Variants in PEPD observed in about 807,000 individuals in gnomAD.
PEPD encodes peptidase D.
Under a neutral mutation model 60.7 loss-of-function variants are expected in PEPD, and 53 were observed. The ratio of observed to expected loss-of-function variants is 0.87; its 90% CI spans 0.70 to 1.10. PEPD has a LOEUF of 1.10. Among genes scored for constraint, PEPD ranks in the 50% least tolerant of loss-of-function variants. The pLI, the probability that PEPD is intolerant of heterozygous loss-of-function variation, is 0.00. For missense variants in PEPD, 711 were observed against 711.9 expected (o/e 1.00, Z 0.01); for synonymous variants, 267 against 284.1 (o/e 0.94, Z 0.60).
At chr19:33,391,555 G>A in intron 12 of PEPD, 76 bp from the exon 13 acceptor site, 1 of 1,328,566 alleles carries the variant, frequency 7.5e-7, no homozygotes, top group Non-Finnish European at 1.0e-6. Context: ...TGGGAGATGT[G>A]AAGCCCTCAC....
At chr19:33,498,007 A>T (rs980954332) in intron 4 of PEPD, among the ~76,000 whole-genome samples, 1 of 151,914 alleles carries the variant, frequency 6.6e-6, no homozygotes, top group Non-Finnish European at 1.5e-5. Flanking sequence ...CCTCAGCCTC[A>T]TATCTATGAA....
At chr19:33,501,325 G>A (rs1177247544) in intron 3 of PEPD, among the ~76,000 whole-genome samples, 1 of 152,288 alleles carries the variant, frequency 6.6e-6, no homozygotes, top group African/African-American at 2.4e-5. Context: ...CACCAGGGCA[G>A]CCAGCCAGTG....
At chr19:33,422,854 C>A (rs2145382844) in intron 9 of PEPD, among the ~76,000 whole-genome samples, 1 of 151,868 alleles carries the variant, frequency 6.6e-6, no homozygotes, top group South Asian at 2.1e-4. Flanking sequence ...ATCCATCCAT[C>A]CATCTCTCTA....
At chr19:33,413,903 C>T (rs548300373) in intron 9 of PEPD, among the ~76,000 whole-genome samples, 28 of 152,350 alleles carry the variant, frequency 1.8e-4, no homozygotes, top group African/African-American at 6.5e-4. Context: ...AGGAGCTCGC[C>T]AGCCTCCACT....
chr19:33,392,833 G>A (rs976080009), intron 12 of PEPD, among the ~76,000 whole-genome samples: 1 of 152,174 alleles, frequency 6.6e-6, no homozygotes, highest in South Asian at 2.1e-4. Context: ...CTCGGCTGGC[G>A]AACAGGGATG....
chr19:33,465,519 A>T (rs1970005684), intron 7 of PEPD, among the ~76,000 whole-genome samples: 1 of 152,066 alleles, frequency 6.6e-6, no homozygotes, highest in Non-Finnish European at 1.5e-5. Context: ...AGCTGGGGAC[A>T]TCTCTGGGGG....
intron 6 of PEPD, among the ~76,000 whole-genome samples, chr19:33,488,696 G>GC (rs2145314593): frequency 6.6e-6 from 1 of 152,242 alleles, no homozygotes; most frequent in South Asian, 2.1e-4. Context: ...CCCTCCACCC[G>GC]CCCCACTGCT....
chr19:33,448,101 T>C (rs1170039729), intron 9 of PEPD, among the ~76,000 whole-genome samples: 1 of 152,090 alleles, frequency 6.6e-6, no homozygotes, highest in Admixed American at 6.5e-5. Flanking sequence ...AACTCAGAGC[T>C]AGGAGGAGAA....
At chr19:33,457,664 C>A (rs1969828453) in intron 9 of PEPD, among the ~76,000 whole-genome samples, 1 of 152,246 alleles carries the variant, frequency 6.6e-6, no homozygotes, top group Non-Finnish European at 1.5e-5. Flanking sequence ...GCGCCCGACA[C>A]CTAGCCCAGC....
chr19:33,387,788 G>C, intron 14 of PEPD, 102 bp downstream of exon 14: 1 of 1,024,042 alleles, frequency 9.8e-7, no homozygotes, highest in Non-Finnish European at 1.5e-6. Flanking sequence ...CCACCTCAAG[G>C]GAAGATGTCA....
intron 9 of PEPD, among the ~76,000 whole-genome samples, chr19:33,453,792 A>T (rs1334598856): frequency 6.6e-6 from 1 of 152,176 alleles, no homozygotes; most frequent in Non-Finnish European, 1.5e-5. Flanking sequence ...TTTTTTCCAG[A>T]TGAGGACACT....
intron 3 of PEPD, among the ~76,000 whole-genome samples, chr19:33,507,778 T>G (rs564791872): frequency 6.6e-6 from 1 of 152,054 alleles, no homozygotes; most frequent in Non-Finnish European, 1.5e-5. Flanking sequence ...CAGTCCCACA[T>G]AGTCAACCCC....
intron 9 of PEPD, among the ~76,000 whole-genome samples, chr19:33,430,634 G>C (rs911572350): frequency 3.3e-5 from 5 of 152,136 alleles, no homozygotes; most frequent in Non-Finnish European, 5.9e-5. Flanking sequence ...TTTCCTACTG[G>C]CATATGTATC....
chr19:33,423,428 C>A (rs1326938562), intron 9 of PEPD, among the ~76,000 whole-genome samples: 2 of 152,226 alleles, frequency 1.3e-5, no homozygotes, highest in African/African-American at 4.8e-5. Flanking sequence ...ACCAAATGCA[C>A]ATTTCCAATT....
chr19:33,508,028 A>AT (rs1356671414), intron 3 of PEPD, among the ~76,000 whole-genome samples: 1 of 151,104 alleles, frequency 6.6e-6, no homozygotes, highest in Non-Finnish European at 1.5e-5. Flanking sequence ...AACAGGGGAG[A>AT]CCCCTGTTGG....
chr19:33,493,412 C>T, intron 4 of PEPD, 75 bp from the exon 5 acceptor site: 2 of 1,005,758 alleles, frequency 2.0e-6, no homozygotes, highest in Non-Finnish European at 3.2e-6. Context: ...ACCATTCCTT[C>T]ATAATGACAG....
chr19:33,487,636 G>T (rs991046095), intron 6 of PEPD, among the ~76,000 whole-genome samples: 1 of 152,180 alleles, frequency 6.6e-6, no homozygotes, highest in Non-Finnish European at 1.5e-5. Flanking sequence ...CTGAGGGGCC[G>T]GGTGAGCACC....
At chr19:33,515,558 T>C (rs1971009772) in intron 1 of PEPD, among the ~76,000 whole-genome samples, 1 of 151,984 alleles carries the variant, frequency 6.6e-6, no homozygotes, top group Non-Finnish European at 1.5e-5. Flanking sequence ...ATATCCCCCA[T>C]GGCCTCCCAC....
intron 13 of PEPD, among the ~76,000 whole-genome samples, chr19:33,390,816 C>T (rs778293754): frequency 2.6e-5 from 4 of 152,172 alleles, no homozygotes; most frequent in Admixed American, 6.5e-5. Context: ...GAGGAGAGGG[C>T]GAACCAGCGG....
Sources: allele counts gnomAD v4.1 joint callset (sites outside exome capture counted in the v4.1 genomes callset), GRCh38; gene constraint gnomAD v4.1.1; transcripts MANE v1.5; gene names NCBI Gene and HGNC (gene_info 2026-07-23, HGNC 2026-07-21).